The following KAZN variants were observed in gnomAD, a reference collection of about 807,000 sequenced individuals.
KAZN encodes kazrin.
A neutral mutation model predicts 87.4 loss-of-function variants in KAZN; 40 were observed. That is an observed-to-expected ratio of 0.46 (90% CI 0.36 to 0.60). The LOEUF (loss-of-function observed/expected upper bound fraction) is 0.60, where lower values mean the gene tolerates loss of function less well. Among genes scored for constraint, KAZN ranks in the 20% least tolerant of loss-of-function variants. KAZN has a pLI of 0.00. For missense variants in KAZN, 898 were observed against 1,073.9 expected, an observed-to-expected ratio of 0.84 and a Z score of 2.29; for synonymous variants, 466 against 458.3, an observed-to-expected ratio of 1.02 and a Z score of -0.22.
exon 1 of KAZN, chr1:13,893,370 A>C: frequency 7.5e-6 from 2 of 267,578 alleles, no homozygotes; most frequent in Non-Finnish European, 1.4e-5. Context: ...TCAAGAAGCC[A>C]CGACTCCTGG....
chr1:14,574,506 C>G (rs1043232563), intron 2 of KAZN, among the ~76,000 whole-genome samples: 2 of 152,186 alleles, frequency 1.3e-5, no homozygotes, highest in African/African-American at 2.4e-5. Flanking sequence ...GGGGAAACCC[C>G]TTTCTCTTGG....
intron 1 of KAZN, among the ~76,000 whole-genome samples, chr1:14,786,970 T>A (rs541645866): frequency 4.1e-4 from 63 of 152,344 alleles, no homozygotes; most frequent in Admixed American, 2.4e-3. Context: ...TTTTGAATCA[T>A]GTTTTCTGCT....
chr1:14,566,690 C>T (rs1484783463), intron 2 of KAZN, among the ~76,000 whole-genome samples: 1 of 152,242 alleles, frequency 6.6e-6, no homozygotes, highest in Non-Finnish European at 1.5e-5. Context: ...TAACTTGCTG[C>T]AGCTTCTCCA....
chr1:15,048,418 GTGTA>G (rs1673822249), intron 4 of KAZN, among the ~76,000 whole-genome samples: 1 of 140,796 alleles, frequency 7.1e-6, no homozygotes, highest in Non-Finnish European at 1.5e-5. Context: ...CCGCATGTGT[GTGTA>G]TGTGTGTGTG....
At chr1:14,033,921 C>G (rs936105659) in intron 1 of KAZN, among the ~76,000 whole-genome samples, 1 of 152,196 alleles carries the variant, frequency 6.6e-6, no homozygotes, top group African/African-American at 2.4e-5. Flanking sequence ...CTGTGTTAAT[C>G]CAGTCCATGC....
intron 1 of KAZN, among the ~76,000 whole-genome samples, chr1:14,656,188 G>A (rs2148706271): frequency 1.3e-5 from 2 of 152,264 alleles, no homozygotes; most frequent in East Asian, 3.9e-4. Flanking sequence ...TGCCATACAA[G>A]GTCATTCTCG....
At chr1:14,071,295 C>G (rs1315995128) in intron 1 of KAZN, among the ~76,000 whole-genome samples, 1 of 152,076 alleles carries the variant, frequency 6.6e-6, no homozygotes, top group African/African-American at 2.4e-5. Context: ...CCTGTGGACC[C>G]CCTGATGTCT....
At chr1:14,862,829 T>C (rs754500804) in intron 1 of KAZN, among the ~76,000 whole-genome samples, 16 of 152,220 alleles carry the variant, frequency 1.1e-4, no homozygotes, top group Non-Finnish European at 1.8e-4. Context: ...TATTTATCAC[T>C]GGCACAATTC....
intron 2 of KAZN, among the ~76,000 whole-genome samples, chr1:14,322,830 T>C (rs1656141777): frequency 1.3e-5 from 2 of 152,150 alleles, no homozygotes; most frequent in South Asian, 4.1e-4. Flanking sequence ...ATCCCACATG[T>C]ATTAGTTTGT....
At position 14,092,471 on chromosome 1, in the gene KAZN, TAC is replaced by T. The variant is rs908041976; in HGVS notation, c.92-87954_92-87953del. Among the ~76,000 whole-genome samples the T allele has an allele frequency of 8.0e-5, 12 of 150,356 alleles. 1 individual carries two copies. The highest frequency in any genetic ancestry group is 2.1e-4 in the South Asian group (1 of 4,792). ...AATAAATAAATAAATTATATATATA[TAC>T]ACACACACAACACACACATATTTTC... On this transcript the variant is annotated intron_variant, in intron 1 of 16. Coordinates refer to the KAZN transcript ENST00000636203.
intron 1 of KAZN, among the ~76,000 whole-genome samples, chr1:14,815,803 C>T (rs1365991440): frequency 6.6e-6 from 1 of 152,166 alleles, no homozygotes; most frequent in Non-Finnish European, 1.5e-5. Context: ...GCTCCATATC[C>T]ACATCAGGCA....
chr1:14,574,983 A>T (rs1479663145), intron 2 of KAZN, among the ~76,000 whole-genome samples: 2 of 152,176 alleles, frequency 1.3e-5, no homozygotes, highest in African/African-American at 4.8e-5. Context: ...CTTAAGCAGC[A>T]GGTAGAAAGG....
In KAZN at chr1:14,080,864, G is replaced by A. The variant is rs1643649622; in HGVS notation, c.92-99571G>A. ...TGACCCCCCCAGGGAAGTTTCCATGGTTTCTAAGACCTCAGCACTAAACAG... is the reference window on the plus strand; with the variant it reads ...TGACCCCCCCAGGGAAGTTTCCATGATTTCTAAGACCTCAGCACTAAACAG... On this transcript the variant is annotated intron_variant, in intron 1 of 16. Coordinates refer to the KAZN transcript ENST00000636203. 2.0e-5 allele frequency among the ~76,000 whole-genome samples: 3 copies of A among 152,276 alleles called. No individual in the cohort carries two copies. The South Asian group carries it at 6.2e-4, about 32-fold the overall frequency.
chr1:14,892,600 G>T (rs1654834426), intron 1 of KAZN, among the ~76,000 whole-genome samples: 1 of 152,308 alleles, frequency 6.6e-6, no homozygotes, highest in South Asian at 2.1e-4. Context: ...GTGCTAGAAG[G>T]TTGCAGAGAC....
At chr1:14,997,087 C>T (rs967391273) in intron 2 of KAZN, among the ~76,000 whole-genome samples, 17 of 152,114 alleles carry the variant, frequency 1.1e-4, no homozygotes, top group African/African-American at 2.4e-5. Flanking sequence ...GTCACCTGCT[C>T]GGAGAGGTCC....
chr1:13,950,257 GC>G (rs77770707), intron 1 of KAZN, among the ~76,000 whole-genome samples: 28,208 of 152,112 alleles, frequency 0.19, 2,914 homozygotes, highest in South Asian at 0.35. Flanking sequence ...TGTCCCTTAT[GC>G]CTTCCAGACC....
At chr1:14,997,204 CA>C (rs1557699053) in intron 2 of KAZN, among the ~76,000 whole-genome samples, 11,486 of 120,854 alleles carry the variant, frequency 0.095, 1,273 homozygotes, top group African/African-American at 0.3. Context: ...TTCTTTCTTT[CA>C]TTTATTTATT....
At chr1:14,015,638 AC>A (rs1355610277) in intron 1 of KAZN, among the ~76,000 whole-genome samples, 1 of 147,184 alleles carries the variant, frequency 6.8e-6, no homozygotes, top group African/African-American at 2.5e-5. Flanking sequence ...CTGCCACCAC[AC>A]CCAGCTCACA....
chr1:14,222,672 A>G (rs1223939295), intron 2 of KAZN, among the ~76,000 whole-genome samples: 1 of 152,198 alleles, frequency 6.6e-6, no homozygotes, highest in Non-Finnish European at 1.5e-5. Flanking sequence ...AATTTGTGAA[A>G]TACAGAGGAA....
Sources: gnomAD v4.1 joint callset for allele counts (sites outside exome capture counted in the v4.1 genomes callset) on GRCh38, gnomAD v4.1.1 for gene constraint, MANE v1.5 for transcripts, NCBI Gene and HGNC (gene_info 2026-07-23, HGNC 2026-07-21) for gene names.